Variants in MAPK10 observed in about 807,000 individuals in gnomAD.
MAPK10 encodes JNK3 alpha protein kinase.
In MAPK10, 25 loss-of-function variants were observed where a neutral mutation model predicts 59.3. The ratio of observed to expected loss-of-function variants is 0.42; its 90% CI spans 0.31 to 0.59. The LOEUF (loss-of-function observed/expected upper bound fraction) is 0.59, where lower values mean the gene tolerates loss of function less well. MAPK10 is among the 20% of genes least tolerant of loss of function. The probability of loss-of-function intolerance (pLI) is 0.15; values close to 1 mark genes in which losing one functional copy is unlikely to be tolerated. For missense variants in MAPK10, 351 were observed against 568.9 expected (o/e 0.62, Z 3.90); for synonymous variants, 190 against 200.5 (o/e 0.95, Z 0.44).
chr4:86,345,062 T>C (rs1727323961), intron 2 of MAPK10, among the ~76,000 whole-genome samples: 1 of 152,154 alleles, frequency 6.6e-6, no homozygotes, highest in South Asian at 2.1e-4. Context: ...ATAGCTAAAA[T>C]ATCTTATTTA....
chr4:86,446,965 G>A (rs930303703), intron 1 of MAPK10, among the ~76,000 whole-genome samples: 16 of 151,904 alleles, frequency 1.1e-4, no homozygotes, highest in African/African-American at 3.1e-4. Flanking sequence ...TGTGTGTTAC[G>A]AATACCTTCT....
At chr4:86,588,114 T>C (rs577655062) in intron 1 of MAPK10, among the ~76,000 whole-genome samples, 14 of 152,298 alleles carry the variant, frequency 9.2e-5, no homozygotes, top group Non-Finnish European at 1.6e-4. Flanking sequence ...CTCCATTATG[T>C]GGTTGTCCAT....
At chr4:86,261,511 G>C (rs2093979045) in intron 2 of MAPK10, among the ~76,000 whole-genome samples, 1 of 152,118 alleles carries the variant, frequency 6.6e-6, no homozygotes, top group Non-Finnish European at 1.5e-5. Flanking sequence ...TTCTCCCTTA[G>C]AATCTGATCT....
intron 11 of MAPK10, among the ~76,000 whole-genome samples, chr4:86,032,760 A>G (rs957221244): frequency 6.6e-6 from 1 of 152,202 alleles, no homozygotes; most frequent in African/African-American, 2.4e-5. Context: ...CATCCTGCAA[A>G]GTATCTGGCT....
chr4:86,162,605 T>C (rs1562507693), intron 3 of MAPK10, among the ~76,000 whole-genome samples: 1 of 152,192 alleles, frequency 6.6e-6, no homozygotes, highest in East Asian at 1.9e-4. Flanking sequence ...CTTCCTCTGT[T>C]CTATTTGTCA....
intron 1 of MAPK10, among the ~76,000 whole-genome samples, chr4:86,525,184 C>T (rs1757389309): frequency 6.6e-6 from 1 of 152,064 alleles, no homozygotes; most frequent in Non-Finnish European, 1.5e-5. Flanking sequence ...GTTGTCCCAA[C>T]TACTTGGGAG....
intron 2 of MAPK10, among the ~76,000 whole-genome samples, chr4:86,227,994 G>A (rs1391999949): frequency 6.6e-6 from 1 of 152,172 alleles, no homozygotes; most frequent in Non-Finnish European, 1.5e-5. Flanking sequence ...GAATGACCAG[G>A]GTAGGTCAGG....
chr4:86,325,076 G>C (rs1222019337), intron 2 of MAPK10, among the ~76,000 whole-genome samples: 1 of 152,004 alleles, frequency 6.6e-6, no homozygotes, highest in African/African-American at 2.4e-5. Flanking sequence ...CTCTCTCTCT[G>C]TTATAAATTT....
chr4:86,167,312 C>T (rs1046316669), intron 3 of MAPK10, among the ~76,000 whole-genome samples: 1 of 152,182 alleles, frequency 6.6e-6, no homozygotes, highest in Non-Finnish European at 1.5e-5. Flanking sequence ...GGTATCATTC[C>T]TTCTGAAACT....
intron 4 of MAPK10, among the ~76,000 whole-genome samples, chr4:86,131,026 G>C (rs1193447357): frequency 6.6e-6 from 1 of 152,128 alleles, no homozygotes; most frequent in Non-Finnish European, 1.5e-5. Flanking sequence ...AAATGGGATA[G>C]ATCATAATAT....
intron 1 of MAPK10, among the ~76,000 whole-genome samples, chr4:86,541,196 G>A (rs1339237305): frequency 6.6e-6 from 1 of 152,162 alleles, no homozygotes; most frequent in Non-Finnish European, 1.5e-5. Flanking sequence ...GGAAAGTGGG[G>A]AGTGGGGGCA....
In MAPK10 at chr4:86,058,534, G is replaced by A. The variant is rs1000785248; in HGVS notation, c.1110+5732C>T. Among the ~76,000 whole-genome samples the A allele has an allele frequency of 2.0e-5, 3 of 149,454 alleles. 1 individual carries two copies. Among genetic ancestry groups the A allele is most frequent in the Non-Finnish European group, 4.4e-5 (3 of 67,416 alleles). ...CTAGAAGCAGCTGTATCTTACCTGT[G>A]TTAGTGACTCTAGCTCCCATTGGAC... is the stretch of plus-strand genomic sequence containing the variant. On this transcript the variant is annotated intron_variant, in intron 11 of 13. Coordinates refer to ENST00000641462, the MANE Select transcript of MAPK10 (RefSeq NM_138982.4).
chr4:86,476,241 G>A (rs1006070974), intron 1 of MAPK10, among the ~76,000 whole-genome samples: 2 of 151,828 alleles, frequency 1.3e-5, no homozygotes, highest in Admixed American at 6.6e-5. Flanking sequence ...TCACCAGGCC[G>A]AGCCAGGTCC....
intron 2 of MAPK10, among the ~76,000 whole-genome samples, chr4:86,280,627 A>G (rs1408249785): frequency 6.6e-6 from 1 of 152,186 alleles, no homozygotes; most frequent in African/African-American, 2.4e-5. Context: ...TCGTTCTACC[A>G]AAAAGACACA....
chr4:86,101,290 C>T (rs2055326513), intron 7 of MAPK10, 73 bp from the exon 8 acceptor site: 4 of 1,217,564 alleles, frequency 3.3e-6, no homozygotes, highest in Non-Finnish European at 3.5e-6. Context: ...ACTCAATCAA[C>T]ATAGCCATTT....
At chr4:86,309,199 G>A (rs1459376296) in intron 2 of MAPK10, among the ~76,000 whole-genome samples, 1 of 152,098 alleles carries the variant, frequency 6.6e-6, no homozygotes, top group African/African-American at 2.4e-5. Flanking sequence ...TTATTTAAAA[G>A]TTCTACTGCA....
At chr4:86,247,533 A>G (rs2093174141) in intron 2 of MAPK10, among the ~76,000 whole-genome samples, 1 of 152,312 alleles carries the variant, frequency 6.6e-6, no homozygotes, top group East Asian at 1.9e-4. Flanking sequence ...AGTCAGATAA[A>G]TGAGTCACAG....
intron 1 of MAPK10, among the ~76,000 whole-genome samples, chr4:86,373,573 C>T (rs1739262218): frequency 6.6e-6 from 1 of 151,998 alleles, no homozygotes; most frequent in African/African-American, 2.4e-5. Context: ...GAAAAAACAA[C>T]CCCATCAAAA....
chr4:86,520,354 G>C (rs1326260302), intron 1 of MAPK10, among the ~76,000 whole-genome samples: 1 of 152,014 alleles, frequency 6.6e-6, no homozygotes, highest in African/African-American at 2.4e-5. Flanking sequence ...TAACTTGAAA[G>C]CCTTGTCTTC....
Sources: allele counts gnomAD v4.1 joint callset (sites outside exome capture counted in the v4.1 genomes callset), GRCh38; gene constraint gnomAD v4.1.1; transcripts MANE v1.5; gene names NCBI Gene and HGNC (gene_info 2026-07-23, HGNC 2026-07-21).